The following MCU variants were observed in gnomAD, a reference collection of about 807,000 sequenced individuals.
The protein encoded by MCU is calcium uniporter protein, mitochondrial.
A neutral mutation model predicts 45.2 loss-of-function variants in MCU; 12 were observed. That is an observed-to-expected ratio of 0.27 (90% CI 0.17 to 0.43). The LOEUF (loss-of-function observed/expected upper bound fraction) is 0.43. Ranked by LOEUF, MCU falls within the 20% of genes least tolerant of loss-of-function variation. The pLI is 1.00. For missense variants in MCU, 324 were observed against 436.7 expected, an observed-to-expected ratio of 0.74 and a Z score of 2.30; for synonymous variants, 160 against 165.1, an observed-to-expected ratio of 0.97 and a Z score of 0.24.
At chr10:72,760,390 A>T (rs1424329457) in intron 1 of MCU, among the ~76,000 whole-genome samples, 1 of 152,068 alleles carries the variant, frequency 6.6e-6, no homozygotes, top group African/African-American at 2.4e-5. Flanking sequence ...GTTCCCTGAA[A>T]AACCAGGTTA....
intron 1 of MCU, among the ~76,000 whole-genome samples, chr10:72,786,398 T>C (rs1355338357): frequency 6.6e-6 from 1 of 152,142 alleles, no homozygotes; most frequent in Non-Finnish European, 1.5e-5. Flanking sequence ...AGTTTTCTCA[T>C]TGGAAGAACT....
chr10:72,715,262 C>CAAAG, intron 1 of MCU: 1 of 750,232 alleles, frequency 1.3e-6, no homozygotes, highest in Non-Finnish European at 1.6e-6. Context: ...ATGGTTTTTG[C>CAAAG]TTACTTTGCA....
At position 72,719,042 on chromosome 10, in the gene MCU, G is replaced by A. The variant is rs1564537621; in HGVS notation, c.150+26741G>A. Among the ~76,000 whole-genome samples the A allele has an allele frequency of 4.6e-5, 7 of 152,216 alleles. No individual in the cohort carries two copies. The South Asian group carries it at 1.4e-3, about 32-fold the overall frequency. ...GGTGCTAGTAATGTTCTGTCTCTTG[G>A]TTTAGGCATTGGTTACATGGGTGGG... On this transcript the variant is annotated intron_variant, in intron 1 of 7. Coordinates refer to ENST00000373053, the MANE Select transcript of MCU (RefSeq NM_138357.3).
intron 1 of MCU, among the ~76,000 whole-genome samples, chr10:72,764,446 A>T (rs529274959): frequency 6.6e-6 from 1 of 152,318 alleles, no homozygotes; most frequent in African/African-American, 2.4e-5. Context: ...CATACCTAGG[A>T]ATTCTAGCTA....
At chr10:72,859,150 A>T in intron 2 of MCU, 27 bp from the exon 3 acceptor site, 2 of 1,537,854 alleles carry the variant, frequency 1.3e-6, no homozygotes, top group Non-Finnish European at 8.8e-7. Context: ...TCCAATTATC[A>T]TATGTTTGTG....
chr10:72,703,251 ACTATGACC>A (rs1485786081), intron 1 of MCU, among the ~76,000 whole-genome samples: 3 of 152,236 alleles, frequency 2.0e-5, no homozygotes, highest in Admixed American at 1.3e-4. Flanking sequence ...CTTGTGATAC[ACTATGACC>A]CAGGTACTGT....
intron 1 of MCU, among the ~76,000 whole-genome samples, chr10:72,729,952 CTT>C (rs58668483): frequency 0.048 from 4,327 of 90,010 alleles, 174 homozygotes; most frequent in African/African-American, 0.15. Context: ...CTTCAGCATT[CTT>C]TTTTTTTTTT....
At chr10:72,719,962 C>T (rs1184035435) in intron 1 of MCU, among the ~76,000 whole-genome samples, 1 of 152,122 alleles carries the variant, frequency 6.6e-6, no homozygotes. Context: ...GTCTTGAGCT[C>T]CTGGCCTCAA....
At chr10:72,710,955 A>G (rs959843773) in intron 1 of MCU, among the ~76,000 whole-genome samples, 1 of 152,198 alleles carries the variant, frequency 6.6e-6, no homozygotes, top group South Asian at 2.1e-4. Context: ...AGGCAGGTAG[A>G]TCACCTGAGA....
intron 1 of MCU, among the ~76,000 whole-genome samples, chr10:72,740,222 A>G (rs1232502318): frequency 6.6e-6 from 1 of 151,838 alleles, no homozygotes; most frequent in African/African-American, 2.4e-5. Flanking sequence ...CTGCTAAAAT[A>G]TAAAAAATTA....
intron 1 of MCU, among the ~76,000 whole-genome samples, chr10:72,725,219 G>A (rs1441512574): frequency 1.3e-5 from 2 of 151,468 alleles, no homozygotes; most frequent in Admixed American, 6.6e-5. Flanking sequence ...TCCACCTCCC[G>A]GGTTCCCGCC....
intron 6 of MCU, among the ~76,000 whole-genome samples, chr10:72,880,418 T>A (rs1845682439): frequency 6.6e-6 from 1 of 151,702 alleles, no homozygotes; most frequent in Non-Finnish European, 1.5e-5. Context: ...AATGAAAATA[T>A]TTAAAGCTGC....
chr10:72,698,937 A>G (rs1842722293), intron 1 of MCU, among the ~76,000 whole-genome samples: 1 of 152,070 alleles, frequency 6.6e-6, no homozygotes, highest in African/African-American at 2.4e-5. Context: ...TTGAATAGCT[A>G]GGACTACAGG....
intron 1 of MCU, among the ~76,000 whole-genome samples, chr10:72,707,054 T>A (rs1842831166): frequency 6.6e-6 from 1 of 151,886 alleles, no homozygotes; most frequent in African/African-American, 2.4e-5. Context: ...GGTCTTGAAC[T>A]CCTGACCTTA....
intron 1 of MCU, among the ~76,000 whole-genome samples, chr10:72,826,016 T>A (rs1006944153): frequency 4.6e-5 from 7 of 152,184 alleles, no homozygotes; most frequent in African/African-American, 1.7e-4. Context: ...TGAATAATGG[T>A]GAAGGGTCTG....
chr10:72,840,209 A>C (rs888577379), intron 2 of MCU, among the ~76,000 whole-genome samples: 1 of 152,216 alleles, frequency 6.6e-6, no homozygotes, highest in Non-Finnish European at 1.5e-5. Flanking sequence ...GGTACAATCA[A>C]TCTTGATTAT....
At chr10:72,745,660 T>TTTACCATATATTATAATATGGTATA (rs1305639609) in intron 1 of MCU, among the ~76,000 whole-genome samples, 4 of 152,218 alleles carry the variant, frequency 2.6e-5, no homozygotes, top group Non-Finnish European at 1.5e-5. Flanking sequence ...TGTTTTTTCC[T>TTTACCATATATTATAATATGGTATA]TTACCATATA....
Position 72,796,692 on chromosome 10 carries a change from T to A in MCU, c.151-37667T>A, listed in dbSNP as rs371094861. ...CCACGCCTGGCTACTTTTTAGTTTT[T>A]GTTTTTTTTTTTTTTTGTAGAGATG... is the stretch of plus-strand genomic sequence containing the variant. On this transcript the variant is annotated intron_variant, in intron 1 of 7. Coordinates refer to ENST00000373053, the MANE Select transcript of MCU (RefSeq NM_138357.3). 7.8e-4 allele frequency among the ~76,000 whole-genome samples: 90 copies of A among 114,804 alleles called. 2 individuals carry two copies. In the East Asian group the frequency reaches 0.012, roughly 15 times the overall value. The allele number at this position is 114,804 out of a possible 152,430, so 75.3% of individuals were successfully genotyped here.
At chr10:72,714,794 C>T (rs547703252) in intron 1 of MCU, among the ~76,000 whole-genome samples, 5 of 152,268 alleles carry the variant, frequency 3.3e-5, no homozygotes, top group Middle Eastern at 3.4e-3. Flanking sequence ...TCTGCCCCCC[C>T]CTTGGCCTCC....
Sources: gnomAD v4.1 joint callset for allele counts (sites outside exome capture counted in the v4.1 genomes callset) on GRCh38, gnomAD v4.1.1 for gene constraint, MANE v1.5 for transcripts, NCBI Gene and HGNC (gene_info 2026-07-23, HGNC 2026-07-21) for gene names.